Variants in TMEM266 observed in about 807,000 individuals in gnomAD.
The protein encoded by TMEM266 is Hv1 related protein 1.
Under a neutral mutation model 50.5 loss-of-function variants are expected in TMEM266, and 33 were observed. The ratio of observed to expected loss-of-function variants is 0.65; its 90% confidence interval spans 0.50 to 0.87. The LOEUF is 0.87. TMEM266 is among the 40% of genes least tolerant of loss of function. The pLI, the probability that TMEM266 is intolerant of heterozygous loss-of-function variation, is 0.00. For missense variants in TMEM266, 655 were observed against 695.1 expected (o/e 0.94, Z 0.65); for synonymous variants, 310 against 292.3 (o/e 1.06, Z -0.62).
chr15:76,069,334 C>T (rs1056752359), intron 1 of TMEM266, among the ~76,000 whole-genome samples: 2 of 152,068 alleles, frequency 1.3e-5, no homozygotes, highest in African/African-American at 4.8e-5. Context: ...GAGATAGGGC[C>T]TGGTTTGGTG....
Position 76,192,057 on chromosome 15 carries a change from G to A in TMEM266, c.858G>A (p.Val286=), listed in dbSNP as rs1335267575. 1.3e-6 allele frequency: 2 copies of A among 1,515,422 alleles called. No individual in the cohort carries two copies. Among genetic ancestry groups the A allele is most frequent in the Non-Finnish European group, 1.8e-6 (2 of 1,138,490 alleles). 93.9% of individuals were successfully genotyped at this position (1,515,422 alleles called of 1,614,324 possible). The stretch of plus-strand genomic sequence containing the variant: ...AAGCGGCGCTCCAGGCCCCGCACGT[G>A]CTCAGCCAGCCGCGCAGCCGCTTCA... Residue 286 remains valine (V), a synonymous_variant, in exon 9 of 11, where the codon GTG becomes GTA. Transcript: ENST00000388942.
intron 1 of TMEM266, among the ~76,000 whole-genome samples, chr15:76,119,677 G>A (rs576977049): frequency 6.6e-6 from 1 of 152,092 alleles, no homozygotes; most frequent in South Asian, 2.1e-4. Flanking sequence ...TGAGGCAGGA[G>A]AATTACTTGA....
chr15:76,166,184 C>T (rs879534049), intron 5 of TMEM266, among the ~76,000 whole-genome samples: 7 of 151,772 alleles, frequency 4.6e-5, no homozygotes, highest in South Asian at 2.1e-4. Flanking sequence ...TCCCTGCCTC[C>T]GTGGACAGTG....
chr15:76,204,381 G>GA lies in TMEM266; in HGVS notation c.*66_*67insA. 1 of 1,464,384 alleles carries GA rather than the reference G, an allele frequency of 6.8e-7. No homozygotes were observed. Among genetic ancestry groups the GA allele is most frequent in the Non-Finnish European group, 9.2e-7 (1 of 1,083,388 alleles). The allele number at this position is 1,464,384 out of a possible 1,614,324, so 90.7% of individuals were successfully genotyped here. A position where few individuals can be genotyped will look rare whatever the true frequency, so the allele number is the denominator to read the frequency against. Reference sequence around the variant, plus strand: ...CTCAAAGCTCTCCTGGGACCCTGGAGGCTGCCAAGGGCCACACGCGGGGCC... The same window carrying GA: ...CTCAAAGCTCTCCTGGGACCCTGGAGAGCTGCCAAGGGCCACACGCGGGGCC... On this transcript the variant is annotated 3_prime_UTR_variant, in exon 11 of 11. Coordinates refer to ENST00000388942, the MANE Select transcript of TMEM266 (RefSeq NM_152335.3).
Position 76,156,734 on chromosome 15 carries a change from C to T in TMEM266, c.358C>T (p.Leu120=). 6.2e-7 allele frequency: 1 copy of T among 1,614,120 alleles called. No individual in the cohort carries two copies. The highest frequency in any genetic ancestry group is 8.5e-7 in the Non-Finnish European group (1 of 1,179,948). ...GGTGATTCTCCTGACTCTGGAACTT[C>T]TAATAGATATAAAGCTTCTCCAGTG... The change falls in exon 4 of 11, where the codon CTA becomes TTA. Residue 120 remains leucine, a synonymous_variant. Transcript: ENST00000388942.
At chr15:76,090,168 A>C (rs1484897396) in intron 1 of TMEM266, among the ~76,000 whole-genome samples, 1 of 152,140 alleles carries the variant, frequency 6.6e-6, no homozygotes, top group Non-Finnish European at 1.5e-5. Context: ...GTGGGTAGAG[A>C]TGGGACATCA....
At chr15:76,126,409 A>G (rs1382324941) in intron 1 of TMEM266, among the ~76,000 whole-genome samples, 1 of 149,354 alleles carries the variant, frequency 6.7e-6, no homozygotes, top group Non-Finnish European at 1.5e-5. Flanking sequence ...ATAGTGGAAT[A>G]TTATTCAGCC....
intron 9 of TMEM266, among the ~76,000 whole-genome samples, chr15:76,201,022 C>G (rs2038737580): frequency 6.6e-6 from 1 of 152,122 alleles, no homozygotes; most frequent in Non-Finnish European, 1.5e-5. Flanking sequence ...GTCTGCTGAC[C>G]CCATTCTTCA....
rs910941405 is a variant in TMEM266, at chr15:76,191,964, G to T, written c.769-4G>T. 3 of 1,580,024 alleles carry T rather than the reference G, an allele frequency of 1.9e-6. No homozygotes were observed. The Admixed American group carries it at 5.3e-5, about 28-fold the overall frequency. Reference sequence around the variant, plus strand: ...GATTCAGCCTTGCCCGTCTCCCTCCGCAGTTTGAGATCCGGCAGCTGCGCG... The same window carrying T: ...GATTCAGCCTTGCCCGTCTCCCTCCTCAGTTTGAGATCCGGCAGCTGCGCG... On this transcript the variant is annotated splice_region_variant and splice_polypyrimidine_tract_variant and intron_variant, in intron 8 of 10. Transcript: ENST00000388942.
chr15:76,185,511 G>A (rs1439809565), intron 8 of TMEM266, among the ~76,000 whole-genome samples: 5 of 152,056 alleles, frequency 3.3e-5, no homozygotes, highest in Non-Finnish European at 5.9e-5. Flanking sequence ...GAAACACTAC[G>A]CTCATTTTGT....
chr15:76,193,026 T>C (rs1373964366), intron 9 of TMEM266, among the ~76,000 whole-genome samples: 1 of 152,210 alleles, frequency 6.6e-6, no homozygotes, highest in African/African-American at 2.4e-5. Flanking sequence ...CCGGGCAGGC[T>C]GAGCAGCTGG....
intron 1 of TMEM266, among the ~76,000 whole-genome samples, chr15:76,089,624 G>A (rs1490254989): frequency 1.3e-5 from 2 of 152,166 alleles, no homozygotes; most frequent in Non-Finnish European, 2.9e-5. Context: ...CATTCTGTGA[G>A]CAGGAGGGAG....
At chr15:76,188,363 A>C (rs527241361) in intron 8 of TMEM266, among the ~76,000 whole-genome samples, 1 of 152,304 alleles carries the variant, frequency 6.6e-6, no homozygotes, top group African/African-American at 2.4e-5. Flanking sequence ...TTATAAAGCC[A>C]TCAGATTGAG....
intron 7 of TMEM266, among the ~76,000 whole-genome samples, chr15:76,171,441 C>T (rs2038187132): frequency 6.6e-6 from 1 of 152,226 alleles, no homozygotes; most frequent in Admixed American, 6.5e-5. Context: ...GCAGGGCCTG[C>T]CATTCTGGAA....
intron 1 of TMEM266, among the ~76,000 whole-genome samples, chr15:76,084,041 G>A (rs2935985): frequency 0.055 from 8,381 of 152,208 alleles, 735 homozygotes; most frequent in African/African-American, 0.19. Context: ...GCGTGTGGTC[G>A]CTCATTACAG....
intron 8 of TMEM266, among the ~76,000 whole-genome samples, chr15:76,184,777 T>A (rs530570315): frequency 6.6e-6 from 1 of 152,320 alleles, no homozygotes; most frequent in African/African-American, 2.4e-5. Context: ...CCGGCCCCGA[T>A]GGAAGGGGCC....
intron 1 of TMEM266, among the ~76,000 whole-genome samples, chr15:76,068,175 G>A (rs1041637483): frequency 1.6e-4 from 25 of 152,174 alleles, no homozygotes; most frequent in African/African-American, 5.8e-4. Flanking sequence ...GGCTAAAAGT[G>A]ACAGTTAAAA....
intron 1 of TMEM266, among the ~76,000 whole-genome samples, chr15:76,062,178 G>A (rs2036316968): frequency 6.6e-6 from 1 of 152,214 alleles, no homozygotes; most frequent in Non-Finnish European, 1.5e-5. Flanking sequence ...ACATAGTTGA[G>A]ATAGTGGTGA....
At chr15:76,182,411 C>T (rs1427598914) in intron 8 of TMEM266, among the ~76,000 whole-genome samples, 1 of 151,888 alleles carries the variant, frequency 6.6e-6, no homozygotes, top group Non-Finnish European at 1.5e-5. Context: ...CCGAGGCGGG[C>T]AGATCACGAG....
Sources: allele counts gnomAD v4.1 joint callset (sites outside exome capture counted in the v4.1 genomes callset), GRCh38; gene constraint gnomAD v4.1.1; transcripts MANE v1.5; gene names NCBI Gene and HGNC (gene_info 2026-07-23, HGNC 2026-07-21).